SLC25A18: variants seen among roughly 807,000 people sequenced by gnomAD.
The protein encoded by SLC25A18 is solute carrier family 25 member 18.
Under a neutral mutation model 31.1 loss-of-function variants are expected in SLC25A18, and 24 were observed. That is an observed-to-expected ratio of 0.77 (90% CI 0.56 to 1.08). The LOEUF is 1.08. Among genes scored for constraint, SLC25A18 ranks in the 50% least tolerant of loss-of-function variants. The pLI, the probability that SLC25A18 is intolerant of heterozygous loss-of-function variation, is 0.00. For synonymous variants in SLC25A18, 173 were observed against 161.9 expected (o/e 1.07, Z -0.52); for missense variants, 371 against 418.5 (o/e 0.89, Z 0.99).
At position 17,581,347 on chromosome 22, in the gene SLC25A18, T is replaced by A. The variant is rs1022978516; in HGVS notation, c.144-11T>A. On this transcript the variant is annotated splice_polypyrimidine_tract_variant and intron_variant, in intron 4 of 10. Transcript: ENST00000327451. ...CTGCACACTTACTCCTACTCTGGCC[T>A]CTGCTTCCAGGATCGACTGCCTGAT... 1 of 1,614,014 alleles carries A rather than the reference T, an allele frequency of 6.2e-7. No homozygotes were observed. The highest frequency in any genetic ancestry group is 1.1e-5 in the South Asian group (1 of 91,086).
chr22:17,575,071 C>G (rs924386083), intron 2 of SLC25A18, among the ~76,000 whole-genome samples: 1 of 151,662 alleles, frequency 6.6e-6, no homozygotes, highest in African/African-American at 2.4e-5. Flanking sequence ...AGGCTAGTCT[C>G]AAACTCGTGA....
chr22:17,566,054 A>G (rs1166249830), intron 1 of SLC25A18, among the ~76,000 whole-genome samples: 1 of 152,102 alleles, frequency 6.6e-6, no homozygotes, highest in African/African-American at 2.4e-5. Flanking sequence ...CGTGTTTTAC[A>G]TTCTCACCAG....
chr22:17,582,592 C>G lies in SLC25A18; in HGVS notation c.229C>G (p.Pro77Ala), dbSNP rs770148472. The G allele has an allele frequency of 1.2e-6, 2 of 1,603,404 alleles. No individual in the cohort carries two copies. The highest frequency in any genetic ancestry group is 2.7e-5 in the African/African-American group (2 of 74,808). ...GAAVNLTLVT[P>A]EKAIKLAAND... ...TGCAGTGAACCTCACTCTGGTCACT[C>G]CAGAGAAGGCCATCAAGCTGGCGGC... The change falls in exon 6 of 11, where the codon CCA becomes GCA. Residue 77 changes from proline (P) to alanine (A), a missense_variant. Physicochemically the swap from Pro to Ala is conservative, Grantham distance 27 (BLOSUM62 -1). Transcript: ENST00000327451.
chr22:17,589,113 G>A (rs79568638), intron 9 of SLC25A18: 2,441 of 152,940 alleles, frequency 0.016, 63 homozygotes, highest in African/African-American at 0.055. Flanking sequence ...TTATAGCTGA[G>A]GCCCAAAGAA....
chr22:17,590,042 C>G, intron 10 of SLC25A18, 53 bp from the exon 11 acceptor site: 1 of 1,607,930 alleles, frequency 6.2e-7, no homozygotes, highest in Middle Eastern at 2.1e-4. Flanking sequence ...CCACTGAGGG[C>G]TGCTTGCAGA....
intron 5 of SLC25A18, chr22:17,582,244 CG>C: frequency 5.5e-6 from 1 of 180,968 alleles, no homozygotes. Flanking sequence ...GGCGTGGTGG[CG>C]GGCGCCTGTA....
At chr22:17,582,788 G>C (rs532420694) in intron 6 of SLC25A18, 135 bp downstream of exon 6, 64 of 762,882 alleles carry the variant, frequency 8.4e-5, no homozygotes, top group African/African-American at 5.0e-4. Flanking sequence ...CTGAGGGCTG[G>C]TGTGTGTTTG....
chr22:17,587,615 G>A (rs538113484), intron 8 of SLC25A18, among the ~76,000 whole-genome samples: 2 of 152,308 alleles, frequency 1.3e-5, no homozygotes, highest in South Asian at 4.1e-4. Context: ...GAGTGGCCAG[G>A]CCCCTCATCT....
rs762910871 is a variant in SLC25A18 at position 17,581,158 on chromosome 22, A to G, written c.142A>G (p.Met48Val). The G allele has an allele frequency of 6.3e-7, 1 of 1,592,738 alleles. No individual in the cohort carries two copies. Among genetic ancestry groups the G allele is most frequent in the Non-Finnish European group, 8.6e-7 (1 of 1,168,152 alleles). ...NQHGKAMYKG[M>V]IDCLMKTARA... ...GCATGGGAAAGCCATGTACAAAGGA[A>G]TGTAGGTGCTGGCAGGCGAGCGTGG... The change falls in exon 4 of 11, where the codon ATG (methionine) becomes GTG (valine). Residue 48 changes from methionine (M) to valine (V), a missense_variant and splice_region_variant. Transcript: ENST00000327451.
rs754077944 is a variant in SLC25A18 at position 17,590,137 on chromosome 22, CGCTGGCT to C, written c.852_858del (p.Cys286HisfsTer4). 1 of 1,614,242 alleles carries C rather than the reference CGCTGGCT, an allele frequency of 6.2e-7. No individual in the cohort carries two copies. Among genetic ancestry groups the C allele is most frequent in the South Asian group, 1.1e-5 (1 of 91,084 alleles). ...AGGGACCATCTGCCTTCATGAAAGGCGCTGGCTGCCGGGCACTGGTCATAGCACCTCT... is the reference window on the plus strand; with the variant it reads ...AGGGACCATCTGCCTTCATGAAAGGCGCCGGGCACTGGTCATAGCACCTCT... On this transcript the variant is annotated frameshift_variant, in exon 11 of 11. Transcript: ENST00000327451. LOFTEE classifies it high-confidence loss of function.
At chr22:17,568,595 T>G (rs974238335) in intron 1 of SLC25A18, among the ~76,000 whole-genome samples, 5 of 105,516 alleles carry the variant, frequency 4.7e-5, no homozygotes, top group Non-Finnish European at 8.7e-5. Flanking sequence ...ACAGTCTCAC[T>G]CTGTCACCCA....
At chr22:17,580,202 T>C in intron 3 of SLC25A18, 1 of 427,432 alleles carries the variant, frequency 2.3e-6, no homozygotes, top group Non-Finnish European at 4.1e-6. Context: ...CTTCTCTAAC[T>C]ACAAAATTAA....
chr22:17,564,580 G>T (rs575785155), intron 1 of SLC25A18, among the ~76,000 whole-genome samples: 6 of 152,104 alleles, frequency 3.9e-5, no homozygotes, highest in Non-Finnish European at 7.4e-5. Context: ...ACTTAAGTTG[G>T]CTGGGGCGCG....
chr22:17,568,097 G>A lies in SLC25A18; in HGVS notation c.-263-1827G>A, dbSNP rs886891296. On this transcript the variant is annotated intron_variant, in intron 1 of 10. Transcript: ENST00000327451. ...AGAGGAGAATAGGCCAGGTGCGATG[G>A]CTCACACCTATAATCCCAGCACTTT... Among the ~76,000 whole-genome samples, 6 of 152,066 alleles carry A rather than the reference G, an allele frequency of 3.9e-5. No homozygotes were observed. The East Asian group carries it at 9.6e-4, about 24-fold the overall frequency.
Position 17,587,212 on chromosome 22 carries a change from G to GCGCC in SLC25A18, c.488_491dup (p.Ser165ProfsTer45). On this transcript the variant is annotated frameshift_variant, in exon 8 of 11. Transcript: ENST00000327451. LOFTEE classifies it high-confidence loss of function. ...CAACTGGTTCGGCTTCCACCCACAGGCGCCCCTCTGCCACCCTCATTGCCT... is the reference window on the plus strand; with the variant it reads ...CAACTGGTTCGGCTTCCACCCACAGGCGCCCGCCCCTCTGCCACCCTCATTGCCT... 2 of 1,614,058 alleles carry GCGCC rather than the reference G, an allele frequency of 1.2e-6. No homozygotes were observed. The highest frequency in any genetic ancestry group is 1.1e-5 in the South Asian group (1 of 91,086).
At chr22:17,581,610 A>G (rs941131612) in intron 5 of SLC25A18, 197 bp downstream of exon 5, 15 of 563,560 alleles carry the variant, frequency 2.7e-5, no homozygotes, top group Non-Finnish European at 4.7e-5. Flanking sequence ...CACAGAGCAC[A>G]CCCCCCGCCA....
rs2057348578 is a variant in SLC25A18, at chr22:17,580,687, C to A, written c.21-350C>A. 10 of 1,053,596 alleles carry A rather than the reference C, an allele frequency of 9.5e-6. No homozygotes were observed. In the Admixed American group the frequency reaches 1.6e-4, roughly 17 times the overall value. 65.3% of individuals were successfully genotyped at this position (1,053,596 alleles called of 1,614,324 possible). On this transcript the variant is annotated intron_variant, in intron 3 of 10. Transcript: ENST00000327451. ...GACCTTCAGTCCGTTTGTGTGAGAA[C>A]TGCACACGTGGCTCCAGGCCTGCGG...
At position 17,582,890 on chromosome 22, in the gene SLC25A18, C is replaced by T; in HGVS notation, c.290+237C>T. Among the ~76,000 whole-genome samples, 2 of 152,036 alleles carry T rather than the reference C, an allele frequency of 1.3e-5. 1 individual carries two copies. The highest frequency in any genetic ancestry group is 3.9e-4 in the East Asian group (2 of 5,184). On this transcript the variant is annotated intron_variant, in intron 6 of 10. Coordinates refer to ENST00000327451, the MANE Select transcript of SLC25A18 (RefSeq NM_031481.3). ...AACATATAGCATATACAGACAAATCCATCAACTAGCCAATAAATTTTTAAA... is the reference window on the plus strand; with the variant it reads ...AACATATAGCATATACAGACAAATCTATCAACTAGCCAATAAATTTTTAAA...
chr22:17,573,098 G>A (rs1231825715), intron 2 of SLC25A18, among the ~76,000 whole-genome samples: 3 of 152,192 alleles, frequency 2.0e-5, no homozygotes, highest in Admixed American at 2.0e-4. Context: ...GGGCAACAGA[G>A]TGAGACCTTT....
Sources: gnomAD v4.1 joint callset for allele counts (sites outside exome capture counted in the v4.1 genomes callset) on GRCh38, gnomAD v4.1.1 for gene constraint, MANE v1.5 for transcripts, NCBI Gene and HGNC (gene_info 2026-07-23, HGNC 2026-07-21) for gene names.